ZZEF1: variants seen among roughly 807,000 people sequenced by gnomAD.
The protein encoded by ZZEF1 is zinc finger ZZ-type and EF-hand domain-containing protein 1.
ZZEF1 carries 157 observed loss-of-function variants against 342.8 expected under a neutral mutation model. The observed-to-expected ratio is 0.46, with a 90% CI of 0.40 to 0.52. ZZEF1 has a LOEUF of 0.52. Ranked by LOEUF, ZZEF1 falls within the 20% of genes least tolerant of loss-of-function variation. The pLI, the probability that ZZEF1 is intolerant of heterozygous loss-of-function variation, is 0.00. For missense variants in ZZEF1, 3,480 were observed against 3,725.6 expected, an observed-to-expected ratio of 0.93 and a Z score of 1.72; for synonymous variants, 1,505 against 1,429.1, an observed-to-expected ratio of 1.05 and a Z score of -1.20.
intron 5 of ZZEF1, 90 bp downstream of exon 5, chr17:4,112,519 C>T (rs1048994730): frequency 6.1e-6 from 8 of 1,307,684 alleles, no homozygotes; most frequent in South Asian, 2.5e-5. Context: ...AGAAGCAAAC[C>T]GAATCTCAAA....
In ZZEF1 at chr17:4,136,293, G is replaced by A. The variant is rs561119494; in HGVS notation, c.354+6249C>T. ...TGGGAGGTGGAGGTTGCAGTGAGCC[G>A]GTATTGTGCCACTGCATTCCAGCCT... On this transcript the variant is annotated intron_variant, in intron 1 of 54. Transcript: ENST00000381638. Among the ~76,000 whole-genome samples the A allele has an allele frequency of 7.6e-4, 114 of 150,200 alleles. 1 individual carries two copies. The highest frequency in any genetic ancestry group is 2.7e-3 in the African/African-American group (111 of 40,904).
chr17:4,112,598 G>C lies in ZZEF1; in HGVS notation c.1066+11C>G. 6.2e-7 allele frequency: 1 copy of C among 1,613,946 alleles called. No homozygotes were observed. The highest frequency in any genetic ancestry group is 8.5e-7 in the Non-Finnish European group (1 of 1,179,942). On this transcript the variant is annotated intron_variant, in intron 5 of 54. Transcript: ENST00000381638. ...TGCTTTTCCCTATCCCCTCAGTTCT[G>C]TTGGACTTACAGAGCTGACTGACGT...
chr17:4,013,530 C>T lies in ZZEF1; in HGVS notation c.8498G>A (p.Gly2833Asp), dbSNP rs147838442. ...ATGGCCAGTCTGGCGACAGGCCACG[C>T]CCACCAGCCATTCCCAAATTTTTGC... The part of the protein sequence containing the change: ...PLAKIWEWLV[G>D]VACRQTGHQR... Residue 2833 changes from glycine (G) to aspartate (D), a missense_variant, in exon 52 of 55, where the codon GGC becomes GAC. Around this residue, in one of 5 missense-constraint regions of ZZEF1, gnomAD observed 1,269 missense variants for 1,342.4 expected, o/e 0.95. Transcript: ENST00000381638. 8.8e-4 allele frequency: 1,423 copies of T among 1,614,094 alleles called. 1 individual carries two copies. The highest frequency in any genetic ancestry group is 1.1e-3 in the Non-Finnish European group (1,334 of 1,179,956).
chr17:4,110,198 T>C (rs1567849638), intron 5 of ZZEF1, among the ~76,000 whole-genome samples: 1 of 152,224 alleles, frequency 6.6e-6, no homozygotes, highest in African/African-American at 2.4e-5. Context: ...AGAACATTTC[T>C]AGAATTCTTC....
In ZZEF1 at chr17:4,034,074, C is replaced by T. The variant is rs1053801127; in HGVS notation, c.6525G>A (p.Val2175=). The change falls in exon 40 of 55, where the codon GTG becomes GTA. Residue 2175 remains valine (V), a synonymous_variant. Transcript: ENST00000381638. ...NLFAAGDSSI[V]PDGWKTTHLL... is the part of the protein sequence containing the mutation. ...GGTGGGTGGTTTTCCAGCCATCTGG[C>T]ACAATGGAACTGTCCCCTGCAGCAA... The T allele has an allele frequency of 3.9e-5, 63 of 1,614,040 alleles. 3 individuals are homozygous for T. The highest frequency in any genetic ancestry group is 3.4e-6 in the Non-Finnish European group (4 of 1,180,038).
chr17:4,056,427 A>T lies in ZZEF1; in HGVS notation c.5166-82T>A, dbSNP rs551480674. On this transcript the variant is annotated intron_variant, in intron 32 of 54. Coordinates refer to ENST00000381638, the MANE Select transcript of ZZEF1 (RefSeq NM_015113.4). ...ACTGGTTAGCAGACCCTGTGTCTAT[A>T]GGTCTATTATATTGGGCATTTTTCA... The T allele has an allele frequency of 3.6e-6, 5 of 1,400,390 alleles. No individual in the cohort carries two copies. The South Asian group carries it at 8.9e-5, about 25-fold the overall frequency. The allele number at this position is 1,400,390 out of a possible 1,614,324, so 86.7% of individuals were successfully genotyped here.
intron 1 of ZZEF1, among the ~76,000 whole-genome samples, chr17:4,136,878 C>G (rs1245851390): frequency 1.3e-5 from 2 of 152,078 alleles, no homozygotes; most frequent in Admixed American, 1.3e-4. Context: ...CTTCCAGCCT[C>G]TCAAGCCTTG....
intron 3 of ZZEF1, 92 bp downstream of exon 3, chr17:4,116,880 G>A (rs2145512199): frequency 1.5e-6 from 2 of 1,308,874 alleles, no homozygotes; most frequent in Non-Finnish European, 2.1e-6. Flanking sequence ...TTTCAGAAAT[G>A]AAGGCAGGGA....
chr17:4,068,926 A>G (rs757364676), intron 26 of ZZEF1, among the ~76,000 whole-genome samples: 1 of 152,366 alleles, frequency 6.6e-6, no homozygotes, highest in South Asian at 2.1e-4. Flanking sequence ...TTAACTCAGA[A>G]ATAGTCCTTA....
rs2057834120 is a variant in ZZEF1, at chr17:4,086,671, A to C, written c.2343-16T>G. ...TTCCCTCGGGCTACAGAAAGACAAA[A>C]AACATCAGAGAGCAAAAGGGCAAGT... On this transcript the variant is annotated splice_polypyrimidine_tract_variant and intron_variant, in intron 14 of 54. Transcript: ENST00000381638. The C allele has an allele frequency of 1.2e-6, 2 of 1,612,944 alleles. No homozygotes were observed. The highest frequency in any genetic ancestry group is 2.7e-5 in the African/African-American group (2 of 75,000).
At chr17:4,141,929 T>G (rs188487019) in intron 1 of ZZEF1, among the ~76,000 whole-genome samples, 10 of 152,226 alleles carry the variant, frequency 6.6e-5, no homozygotes, top group African/African-American at 2.4e-4. Flanking sequence ...AAGAACTGCA[T>G]AATTACAAGT....
At chr17:4,032,055 A>G in intron 42 of ZZEF1, 71 bp downstream of exon 42, 4 of 1,497,206 alleles carry the variant, frequency 2.7e-6, no homozygotes, top group Non-Finnish European at 3.6e-6. Context: ...AGGTAATTTC[A>G]TTGATTTTAG....
chr17:4,048,370 C>A (rs1197403574), intron 37 of ZZEF1, among the ~76,000 whole-genome samples: 1 of 152,108 alleles, frequency 6.6e-6, no homozygotes, highest in Non-Finnish European at 1.5e-5. Context: ...GAGAATGGGA[C>A]CTTGGTGAGC....
At chr17:4,095,529 G>A (rs2058018795) in intron 11 of ZZEF1, among the ~76,000 whole-genome samples, 1 of 152,120 alleles carries the variant, frequency 6.6e-6, no homozygotes, top group Non-Finnish European at 1.5e-5. Flanking sequence ...TGGGGCAATG[G>A]CTAAAGACTG....
chr17:4,011,300 G>C (rs911951056), intron 52 of ZZEF1, among the ~76,000 whole-genome samples: 1 of 152,100 alleles, frequency 6.6e-6, no homozygotes, highest in African/African-American at 2.4e-5. Flanking sequence ...CTACTCAGGA[G>C]GCTGAGGGGA....
chr17:4,085,124 C>CA (rs1236251784), intron 16 of ZZEF1, among the ~76,000 whole-genome samples: 1 of 151,668 alleles, frequency 6.6e-6, no homozygotes, highest in African/African-American at 2.4e-5. Context: ...AACAAACAAA[C>CA]AAAAAAACTT....
intron 37 of ZZEF1, among the ~76,000 whole-genome samples, chr17:4,049,327 C>T (rs991295296): frequency 6.6e-6 from 1 of 152,066 alleles, no homozygotes; most frequent in Non-Finnish European, 1.5e-5. Flanking sequence ...CCCTGGGCAA[C>T]ATGGCGAAAC....
At chr17:4,020,852 G>A (rs1419333166) in intron 45 of ZZEF1, among the ~76,000 whole-genome samples, 5 of 152,186 alleles carry the variant, frequency 3.3e-5, no homozygotes, top group Non-Finnish European at 7.3e-5. Flanking sequence ...CTTGAAATTC[G>A]TGCAAAATTT....
chr17:4,101,490 T>G (rs1424414136), intron 9 of ZZEF1, among the ~76,000 whole-genome samples: 1 of 152,104 alleles, frequency 6.6e-6, no homozygotes, highest in Non-Finnish European at 1.5e-5. Flanking sequence ...ACAAACACCT[T>G]ATCACGAGAT....
Sources: allele counts gnomAD v4.1 joint callset (sites outside exome capture counted in the v4.1 genomes callset), GRCh38; gene constraint gnomAD v4.1.1; regional missense constraint gnomAD v4.1.1; transcripts MANE v1.5; gene names NCBI Gene and HGNC (gene_info 2026-07-23, HGNC 2026-07-21).